Variants in FYB2 observed in about 807,000 individuals in gnomAD.
FYB2 encodes FYN-binding protein 2.
FYB2 carries 103 observed loss-of-function variants against 94.1 expected under a neutral mutation model. The ratio of observed to expected loss-of-function variants is 1.09; its 90% CI spans 0.93 to 1.29. The LOEUF is 1.29. FYB2 is among the 50% of genes most tolerant of loss of function. FYB2 has a pLI of 0.00. For missense variants in FYB2, 896 were observed against 841.5 expected, an observed-to-expected ratio of 1.06 and a Z score of -0.80; for synonymous variants, 293 against 287.9, an observed-to-expected ratio of 1.02 and a Z score of -0.18.
upstream of FYB2, chr1:56,824,603 T>A (rs1395365268): frequency 6.6e-6 from 1 of 152,252 alleles, no homozygotes; most frequent in Non-Finnish European, 1.5e-5. Context: ...CTCCCTTGCA[T>A]GGACTTAAGG....
At chr1:56,719,887 A>G in intron 19 of FYB2, 135 bp downstream of exon 19, 1 of 1,021,886 alleles carries the variant, frequency 9.8e-7, no homozygotes, top group South Asian at 1.9e-5. Flanking sequence ...TAATCCTTAT[A>G]GAATAGGGCA....
At chr1:56,824,261 T>G (rs1485059504), upstream of FYB2, 1 of 152,322 alleles carries the variant, frequency 6.6e-6, no homozygotes, top group Admixed American at 6.5e-5. Flanking sequence ...GCAGTTTTTG[T>G]GTCTCGTGAG....
chr1:56,774,964 G>A (rs902579183), intron 4 of FYB2, among the ~76,000 whole-genome samples: 3 of 151,990 alleles, frequency 2.0e-5, no homozygotes, highest in African/African-American at 7.2e-5. Context: ...GTTTGCCAGG[G>A]CTCTCAGGCC....
In FYB2 at chr1:56,795,923, C is replaced by T. The variant is rs542238298; in HGVS notation, c.10-3120G>A. Among the ~76,000 whole-genome samples, 27 of 152,304 alleles carry T rather than the reference C, an allele frequency of 1.8e-4. No individual in the cohort carries two copies. In the South Asian group the frequency reaches 2.5e-3, roughly 14 times the overall value. On this transcript the variant is annotated intron_variant, in intron 1 of 19. Transcript: ENST00000343433. ...TATACCTGGCTCTTTACTCTTTCAA[C>T]GCATGTTCATTAAGTATCTACATAC... is the stretch of plus-strand genomic sequence containing the variant.
chr1:56,781,931 C>A (rs1646018028), intron 4 of FYB2, among the ~76,000 whole-genome samples: 1 of 152,166 alleles, frequency 6.6e-6, no homozygotes, highest in Non-Finnish European at 1.5e-5. Flanking sequence ...CTTCCTTTAA[C>A]TGGGCTGGGT....
intron 17 of FYB2, among the ~76,000 whole-genome samples, chr1:56,722,181 A>T (rs1050474492): frequency 2.0e-5 from 3 of 152,122 alleles, no homozygotes; most frequent in Admixed American, 2.0e-4. Context: ...AGATAATAAC[A>T]TATCACAATT....
chr1:56,767,387 C>T (rs1645649448), intron 5 of FYB2, among the ~76,000 whole-genome samples: 2 of 152,212 alleles, frequency 1.3e-5, no homozygotes, highest in Admixed American at 1.3e-4. Context: ...TGCTCCTATT[C>T]AGACTGAACA....
At chr1:56,823,742 G>T (rs562755726), upstream of FYB2, 1 of 152,136 alleles carries the variant, frequency 6.6e-6, no homozygotes, top group South Asian at 2.1e-4. Flanking sequence ...GCTGTGCTTG[G>T]AGCTAGGGAT....
chr1:56,738,587 T>A (rs371381682), intron 14 of FYB2, 38 bp downstream of exon 14: 1 of 1,574,812 alleles, frequency 6.3e-7, no homozygotes, highest in African/African-American at 1.4e-5. Flanking sequence ...ATACAAAAGC[T>A]GAGTACTTTT....
intron 1 of FYB2, among the ~76,000 whole-genome samples, chr1:56,802,636 T>G (rs988141614): frequency 6.6e-6 from 1 of 152,214 alleles, no homozygotes; most frequent in African/African-American, 2.4e-5. Flanking sequence ...AAGCCATTAT[T>G]CTTCCCAGGA....
intron 1 of FYB2, among the ~76,000 whole-genome samples, chr1:56,810,057 G>T (rs1330495436): frequency 6.6e-6 from 1 of 152,168 alleles, no homozygotes; most frequent in East Asian, 1.9e-4. Flanking sequence ...GGAAGAGAAA[G>T]AGGAGGGGGA....
At chr1:56,775,756 C>T (rs531430258) in intron 4 of FYB2, among the ~76,000 whole-genome samples, 203 of 152,150 alleles carry the variant, frequency 1.3e-3, no homozygotes, top group Non-Finnish European at 2.4e-3. Context: ...TGGAAGTCAT[C>T]AAAGAAAGAG....
intron 15 of FYB2, among the ~76,000 whole-genome samples, chr1:56,730,378 G>A (rs1260273221): frequency 1.1e-5 from 1 of 91,350 alleles, no homozygotes; most frequent in Non-Finnish European, 2.1e-5. Flanking sequence ...AGGAGAGGGG[G>A]AAAGGTAAAG....
intron 11 of FYB2, 29 bp downstream of exon 11, chr1:56,743,997 C>T (rs1645014444): frequency 1.2e-6 from 2 of 1,606,114 alleles, no homozygotes; most frequent in East Asian, 2.2e-5. Context: ...TTCCTACTGG[C>T]AACTTCAGAA....
chr1:56,782,910 A>C (rs1646041308), intron 4 of FYB2, among the ~76,000 whole-genome samples: 1 of 152,152 alleles, frequency 6.6e-6, no homozygotes, highest in African/African-American at 2.4e-5. Context: ...TAATGAATAA[A>C]ATATTAGCCA....
chr1:56,757,687 C>CTTCCTTCTTTTTTTTTTTT (rs1293394860), intron 6 of FYB2, among the ~76,000 whole-genome samples: 1 of 71,940 alleles, frequency 1.4e-5, no homozygotes, highest in Non-Finnish European at 2.6e-5. Context: ...TCCTTCCTTC[C>CTTCCTTCTTTTTTTTTTTT]TTCTTTCTTT....
intron 13 of FYB2, among the ~76,000 whole-genome samples, chr1:56,739,292 C>G (rs1300596405): frequency 1.3e-5 from 2 of 152,054 alleles, no homozygotes; most frequent in East Asian, 3.9e-4. Flanking sequence ...CAATAATTTT[C>G]TCTCAGAAAA....
chr1:56,759,321 T>C lies in FYB2; in HGVS notation c.1064-571A>G, dbSNP rs76930609. 5.4e-3 allele frequency among the ~76,000 whole-genome samples: 826 copies of C among 152,260 alleles called. 25 individuals are homozygous for C. The East Asian group carries it at 0.1, about 19-fold the overall frequency. On this transcript the variant is annotated intron_variant, in intron 5 of 19. Coordinates refer to ENST00000343433, the MANE Select transcript of FYB2 (RefSeq NM_001004303.5). Reference sequence around the variant, plus strand: ...AACAATGGGGATCTGTTCTGAGAAATGCATCCTTAGGTGATTTCATCATCA... The same window carrying C: ...AACAATGGGGATCTGTTCTGAGAAACGCATCCTTAGGTGATTTCATCATCA...
At chr1:56,816,489 C>T (rs1166725311) in intron 1 of FYB2, among the ~76,000 whole-genome samples, 1 of 152,184 alleles carries the variant, frequency 6.6e-6, no homozygotes, top group Non-Finnish European at 1.5e-5. Context: ...CAGAGTGTCA[C>T]ATGTACCACA....
Sources: allele counts gnomAD v4.1 joint callset (sites outside exome capture counted in the v4.1 genomes callset), GRCh38; gene constraint gnomAD v4.1.1; transcripts MANE v1.5; gene names NCBI Gene and HGNC (gene_info 2026-07-23, HGNC 2026-07-21).